Variants in RPA2 observed in about 807,000 individuals in gnomAD.
RPA2 encodes the protein replication protein A2.
RPA2 carries 22 observed loss-of-function variants against 33.4 expected under a neutral mutation model. That is an observed-to-expected ratio of 0.66 (90% confidence interval 0.47 to 0.94). The LOEUF (loss-of-function observed/expected upper bound fraction) is 0.94. Among genes scored for constraint, RPA2 ranks in the 40% least tolerant of loss-of-function variants. RPA2 has a pLI of 0.00. For missense variants in RPA2, 279 were observed against 329.9 expected (o/e 0.85, Z 1.19); for synonymous variants, 109 against 114.9 (o/e 0.95, Z 0.33).
intron 2 of RPA2, among the ~76,000 whole-genome samples, chr1:27,909,923 A>G (rs1160803381): frequency 6.6e-6 from 1 of 152,194 alleles, no homozygotes; most frequent in Non-Finnish European, 1.5e-5. Flanking sequence ...AATAGCTTTT[A>G]ATAACAACGT....
At chr1:27,903,526 C>T (rs990878869) in intron 4 of RPA2, among the ~76,000 whole-genome samples, 2 of 151,432 alleles carry the variant, frequency 1.3e-5, no homozygotes, top group Non-Finnish European at 2.9e-5. Flanking sequence ...CGAGACCAGC[C>T]TGGCCAACAT....
At chr1:27,910,110 A>G (rs2090079867) in intron 2 of RPA2, among the ~76,000 whole-genome samples, 1 of 152,216 alleles carries the variant, frequency 6.6e-6, no homozygotes, top group African/African-American at 2.4e-5. Flanking sequence ...TCAGCATAAG[A>G]AAACTTAAGA....
chr1:27,895,353 C>T (rs1034071526), intron 6 of RPA2, among the ~76,000 whole-genome samples: 2 of 151,990 alleles, frequency 1.3e-5, no homozygotes, highest in Non-Finnish European at 2.9e-5. Flanking sequence ...ACCCGAGAGG[C>T]GGAGGCTGCA....
chr1:27,894,150 A>G (rs1227513761), intron 7 of RPA2, 44 bp from the exon 8 acceptor site: 3 of 1,581,600 alleles, frequency 1.9e-6, no homozygotes, highest in Non-Finnish European at 2.6e-6. Flanking sequence ...ATTTTGGATC[A>G]GCCTCCCCTT....
At chr1:27,903,132 T>C (rs2089987354) in intron 4 of RPA2, among the ~76,000 whole-genome samples, 1 of 152,126 alleles carries the variant, frequency 6.6e-6, no homozygotes, top group African/African-American at 2.4e-5. Flanking sequence ...TTTCACCATG[T>C]TGGCGGTGCC....
intron 5 of RPA2, 106 bp downstream of exon 5, chr1:27,897,527 A>G (rs756845299): frequency 1.3e-5 from 9 of 702,930 alleles, no homozygotes; most frequent in Non-Finnish European, 2.0e-5. Context: ...ATAACTTCCC[A>G]TTAAACAGGG....
upstream of RPA2, chr1:27,914,672 C>A (rs41562718): frequency 4.4e-3 from 7,093 of 1,612,894 alleles, 35 homozygotes; most frequent in South Asian, 9.3e-3. Context: ...CTCCAGAAAA[C>A]GCGTACTGCG....
chr1:27,894,870 C>T (rs1163516838), intron 6 of RPA2, among the ~76,000 whole-genome samples: 1 of 152,110 alleles, frequency 6.6e-6, no homozygotes, highest in East Asian at 1.9e-4. Context: ...TTCCTTTCTC[C>T]CCAGTCACTC....
Position 27,894,061 on chromosome 1 carries a change from A to T in RPA2, c.679T>A (p.Phe227Ile). 6.2e-7 allele frequency: 1 copy of T among 1,614,186 alleles called. No individual in the cohort carries two copies. The highest frequency in any genetic ancestry group is 8.5e-7 in the Non-Finnish European group (1 of 1,180,016). ...KACPRPEGLN[F>I]QDLKNQLKHM... Reference sequence around the variant, plus strand: ...TTCAGCTGGTTCTTGAGATCCTGAAAGTTCAACCCTTCAGGTCTTGGACAA... The same window carrying T: ...TTCAGCTGGTTCTTGAGATCCTGAATGTTCAACCCTTCAGGTCTTGGACAA... The change falls in exon 8 of 9, where the codon TTT becomes ATT. Residue 227 changes from phenylalanine to isoleucine, a missense_variant. Physicochemically the swap from Phe to Ile is conservative, Grantham distance 21. This residue lies in a region of RPA2 where 274 missense variants were observed against 310.3 expected (regional missense o/e 0.88). Transcript: ENST00000373912.
intron 4 of RPA2, among the ~76,000 whole-genome samples, chr1:27,900,389 C>T (rs972323069): frequency 3.9e-5 from 6 of 152,038 alleles, no homozygotes; most frequent in Admixed American, 1.3e-4. Context: ...TGAGATTACA[C>T]GCATGAGCCA....
chr1:27,906,132 G>A (rs2090025571), intron 4 of RPA2, among the ~76,000 whole-genome samples: 1 of 152,078 alleles, frequency 6.6e-6, no homozygotes, highest in Non-Finnish European at 1.5e-5. Flanking sequence ...CACTTTGAGA[G>A]GCTGAGGAGG....
chr1:27,892,703 C>A (rs1571601368), intron 8 of RPA2, among the ~76,000 whole-genome samples: 1 of 152,352 alleles, frequency 6.6e-6, no homozygotes, highest in East Asian at 1.9e-4. Context: ...CCTTCAAACC[C>A]TTCAAGGTCC....
At chr1:27,895,928 C>G (rs2089885532) in intron 6 of RPA2, among the ~76,000 whole-genome samples, 1 of 152,096 alleles carries the variant, frequency 6.6e-6, no homozygotes, top group Admixed American at 6.6e-5. Flanking sequence ...CATGCTTACT[C>G]CACACTCCTG....
chr1:27,914,525 T>G lies in RPA2; in HGVS notation c.-82A>C. On this transcript the variant is annotated 5_prime_UTR_variant, in exon 1 of 9. Transcript: ENST00000373912. ...GAAAACCACAGAACGCGGCCGCCACTGCGCCGCTCTGGCTACTTTTCTCTG... is the reference window on the plus strand; with the variant it reads ...GAAAACCACAGAACGCGGCCGCCACGGCGCCGCTCTGGCTACTTTTCTCTG... 4 of 1,604,686 alleles carry G rather than the reference T, an allele frequency of 2.5e-6. No individual in the cohort carries two copies. The highest frequency in any genetic ancestry group is 3.4e-6 in the Non-Finnish European group (4 of 1,175,946).
At position 27,907,202 on chromosome 1, in the gene RPA2, A is replaced by T; in HGVS notation, c.198T>A (p.Ile66=). The change falls in exon 3 of 9, where the codon ATT becomes ATA. Residue 66 remains isoleucine, a synonymous_variant. Coordinates refer to ENST00000373912, the MANE Select transcript of RPA2 (RefSeq NM_002946.5). ...ATACCTGTGAAATCTCAACATTCCC[A>T]ATTCTGAACACTTCATCAACCAAAG... ...SATLVDEVFR[I]GNVEISQVTI... 6.2e-7 allele frequency: 1 copy of T among 1,613,824 alleles called. No individual in the cohort carries two copies. Among genetic ancestry groups the T allele is most frequent in the Non-Finnish European group, 8.5e-7 (1 of 1,179,886 alleles).
At chr1:27,899,171 G>A (rs1260324025) in intron 4 of RPA2, among the ~76,000 whole-genome samples, 2 of 152,084 alleles carry the variant, frequency 1.3e-5, no homozygotes, top group African/African-American at 4.8e-5. Context: ...TTAGGAGTTC[G>A]AGACCAGCCT....
chr1:27,910,214 G>A lies in RPA2; in HGVS notation c.118-2932C>T, dbSNP rs61789688. Among the ~76,000 whole-genome samples, 546 of 152,232 alleles carry A rather than the reference G, an allele frequency of 3.6e-3. 1 individual carries two copies. The highest frequency in any genetic ancestry group is 6.5e-3 in the Non-Finnish European group (441 of 68,030). On this transcript the variant is annotated intron_variant, in intron 2 of 8. Coordinates refer to ENST00000373912, the MANE Select transcript of RPA2 (RefSeq NM_002946.5). ...CCCAGCTCCAAAGTCCTGGACACAT[G>A]ACCACCTTTTCTGAAAACTGGGGAT... is the stretch of plus-strand genomic sequence containing the variant.
chr1:27,906,655 C>T (rs887573172), intron 4 of RPA2, among the ~76,000 whole-genome samples: 11 of 152,200 alleles, frequency 7.2e-5, no homozygotes, highest in Non-Finnish European at 1.3e-4. Flanking sequence ...CACCACTGCA[C>T]TGCCTGGGCG....
intron 4 of RPA2, among the ~76,000 whole-genome samples, chr1:27,902,616 C>G (rs561895824): frequency 1.3e-4 from 20 of 152,110 alleles, no homozygotes; most frequent in African/African-American, 4.8e-4. Context: ...AACTATCACA[C>G]TGGCAAAAAT....
Sources: allele counts gnomAD v4.1 joint callset (sites outside exome capture counted in the v4.1 genomes callset), GRCh38; gene constraint gnomAD v4.1.1; regional missense constraint gnomAD v4.1.1; transcripts MANE v1.5; gene names NCBI Gene and HGNC (gene_info 2026-07-23, HGNC 2026-07-21).